SLC5A1: variants seen among roughly 807,000 people sequenced by gnomAD.
SLC5A1 encodes sodium/glucose cotransporter 1.
In SLC5A1, 42 loss-of-function variants were observed where a neutral mutation model predicts 73.5. That is an observed-to-expected ratio of 0.57 (90% CI 0.45 to 0.74). SLC5A1 has a LOEUF of 0.74. SLC5A1 is among the 30% of genes least tolerant of loss of function. The pLI, the probability that SLC5A1 is intolerant of heterozygous loss-of-function variation, is 0.00. For synonymous variants in SLC5A1, 300 were observed against 317.4 expected, an observed-to-expected ratio of 0.95 and a Z score of 0.58; for missense variants, 634 against 855.4, an observed-to-expected ratio of 0.74 and a Z score of 3.23.
At chr22:32,087,766 G>GA (rs1161069772) in intron 10 of SLC5A1, among the ~76,000 whole-genome samples, 2 of 152,114 alleles carry the variant, frequency 1.3e-5, no homozygotes. Flanking sequence ...TTATTACCTA[G>GA]AAAAATTTAG....
chr22:32,054,039 G>GGT (rs2093948416), intron 2 of SLC5A1, among the ~76,000 whole-genome samples: 1 of 152,134 alleles, frequency 6.6e-6, no homozygotes, highest in Non-Finnish European at 1.5e-5. Context: ...TGGGCGTGGT[G>GGT]GCAGGTGCCT....
chr22:32,063,118 G>A (rs1569303244), intron 2 of SLC5A1, among the ~76,000 whole-genome samples: 2 of 152,072 alleles, frequency 1.3e-5, no homozygotes, highest in Admixed American at 1.3e-4. Flanking sequence ...CTATCAGATT[G>A]GGGCCCCACC....
intron 1 of SLC5A1, among the ~76,000 whole-genome samples, chr22:32,047,978 T>C (rs1309923534): frequency 6.6e-6 from 1 of 151,840 alleles, no homozygotes; most frequent in East Asian, 1.9e-4. Flanking sequence ...CTGGACAACA[T>C]GGCAAAACCC....
At chr22:32,109,079 G>C (rs1034141790) in intron 14 of SLC5A1, among the ~76,000 whole-genome samples, 4 of 152,054 alleles carry the variant, frequency 2.6e-5, no homozygotes, top group East Asian at 1.9e-4. Context: ...AGACCGAGGT[G>C]GGGGGGATCA....
At position 32,102,229 on chromosome 22, in the gene SLC5A1, G is replaced by A. The variant is rs748471638; in HGVS notation, c.1657G>A (p.Asp553Asn). Residue 553 changes from aspartate (D) to asparagine (N), a missense_variant, in exon 13 of 15, where the codon GAT becomes AAT. By Grantham distance (23) the Asp-to-Asn change is conservative. This residue lies in a region of SLC5A1 where 161 missense variants were observed against 178.7 expected (regional missense o/e 0.90). Coordinates refer to ENST00000266088, the MANE Select transcript of SLC5A1 (RefSeq NM_000343.4). Reference protein sequence around the residue: ...VISLLTKPIPDVHLYRLCWSL... With the variant: ...VISLLTKPIPNVHLYRLCWSL... ...CTCCCTCCTCACCAAACCCATTCCG[G>A]ATGTGCATGTGAGTATCCATTTAGG... 12 of 1,611,740 alleles carry A rather than the reference G, an allele frequency of 7.4e-6. No individual in the cohort carries two copies. Among genetic ancestry groups the A allele is most frequent in the Non-Finnish European group, 1.0e-5 (12 of 1,177,996 alleles).
chr22:32,105,531 G>A (rs906745923), intron 14 of SLC5A1, among the ~76,000 whole-genome samples: 4 of 152,036 alleles, frequency 2.6e-5, no homozygotes, highest in Admixed American at 2.0e-4. Flanking sequence ...CTGACCTTAG[G>A]TGATCTGCCC....
chr22:32,091,391 G>A (rs2094017355), intron 10 of SLC5A1, among the ~76,000 whole-genome samples: 1 of 151,144 alleles, frequency 6.6e-6, no homozygotes, highest in Non-Finnish European at 1.5e-5. Flanking sequence ...CCTCAAGTAT[G>A]TTGTGTCTCT....
chr22:32,057,578 C>T (rs923963307), intron 2 of SLC5A1, among the ~76,000 whole-genome samples: 2 of 152,164 alleles, frequency 1.3e-5, no homozygotes, highest in Admixed American at 6.5e-5. Context: ...CAGGACAATT[C>T]TTGATGCCTG....
At chr22:32,105,848 G>A (rs2094044755) in intron 14 of SLC5A1, among the ~76,000 whole-genome samples, 2 of 152,072 alleles carry the variant, frequency 1.3e-5, no homozygotes, top group South Asian at 4.1e-4. Flanking sequence ...TTGTCTTACT[G>A]TGACTGGCCT....
intron 5 of SLC5A1, among the ~76,000 whole-genome samples, chr22:32,077,232 TTCCC>T (rs977219761): frequency 4.5e-4 from 68 of 151,646 alleles, no homozygotes; most frequent in African/African-American, 1.5e-3. Context: ...CCTTCCTTCC[TTCCC>T]TCCCTCCCTT....
chr22:32,107,082 T>A (rs909387779), intron 14 of SLC5A1, among the ~76,000 whole-genome samples: 2 of 152,312 alleles, frequency 1.3e-5, no homozygotes, highest in East Asian at 3.9e-4. Flanking sequence ...TACCTTTCAA[T>A]TCTAAAACTT....
Position 32,104,797 on chromosome 22 carries a change from G to A in SLC5A1, c.1677G>A (p.Leu559=). 1.2e-6 allele frequency: 2 copies of A among 1,613,940 alleles called. No individual in the cohort carries two copies. Among genetic ancestry groups the A allele is most frequent in the South Asian group, 1.1e-5 (1 of 91,074 alleles). Residue 559 remains leucine (L), a synonymous_variant, in exon 14 of 15, where the codon CTG becomes CTA. Coordinates refer to ENST00000266088, the MANE Select transcript of SLC5A1 (RefSeq NM_000343.4). ...TGCCTTCTCTGCAGCTCTACCGTCT[G>A]TGTTGGAGCCTGCGCAACAGCAAAG... ...KPIPDVHLYR[L]CWSLRNSKEE... is the part of the protein sequence containing the mutation.
intron 11 of SLC5A1, among the ~76,000 whole-genome samples, chr22:32,095,455 G>A (rs2094024747): frequency 6.6e-6 from 1 of 152,168 alleles, no homozygotes; most frequent in Admixed American, 6.5e-5. Context: ...AAGTCCTCCA[G>A]TATTATTGTG....
rs61029609 is a variant in SLC5A1 at position 32,054,169 on chromosome 22, T to C, written c.207+4155T>C. On this transcript the variant is annotated intron_variant, in intron 2 of 14. Coordinates refer to ENST00000266088, the MANE Select transcript of SLC5A1 (RefSeq NM_000343.4). Reference sequence around the variant, plus strand: ...GCTTGGGCAACAGAGCAAGATTCCATCTAAAAAAAAATAAAATAGTAATTG... The same window carrying C: ...GCTTGGGCAACAGAGCAAGATTCCACCTAAAAAAAAATAAAATAGTAATTG... Among the ~76,000 whole-genome samples, 1,069 of 152,160 alleles carry C rather than the reference T, an allele frequency of 7.0e-3. 13 individuals carry two copies. Among genetic ancestry groups the C allele is most frequent in the African/African-American group, 0.024 (995 of 41,502 alleles).
At position 32,112,438 on chromosome 22, in the gene SLC5A1, T is replaced by C. The variant is rs1172906687; in HGVS notation, c.*2225T>C. 6.6e-6 allele frequency: 1 copy of C among 152,188 alleles called. No individual in the cohort carries two copies. Among genetic ancestry groups the C allele is most frequent in the East Asian group, 1.9e-4 (1 of 5,192 alleles). The allele number at this position is 152,188 out of a possible 1,614,324, so 9.4% of individuals were successfully genotyped here. On this transcript the variant is annotated 3_prime_UTR_variant, in exon 15 of 15. Transcript: ENST00000266088. Reference sequence around the variant, plus strand: ...TGTTGTAAAGATTAGGTGAGGTCAATTGATACTGCTTAAAAGGCCCGGTCC... The same window carrying C: ...TGTTGTAAAGATTAGGTGAGGTCAACTGATACTGCTTAAAAGGCCCGGTCC...
chr22:32,070,615 T>C (rs1220539610), intron 5 of SLC5A1, among the ~76,000 whole-genome samples: 1 of 152,158 alleles, frequency 6.6e-6, no homozygotes, highest in Non-Finnish European at 1.5e-5. Context: ...ATTATAGGCA[T>C]GAGCCACTGC....
Position 32,082,115 on chromosome 22 carries a change from G to C in SLC5A1, c.583+144G>C, listed in dbSNP as rs533095399. 166 of 698,514 alleles carry C rather than the reference G, an allele frequency of 2.4e-4. 1 individual carries two copies. The highest frequency in any genetic ancestry group is 2.2e-3 in the Middle Eastern group (9 of 4,164). 43.3% of individuals were successfully genotyped at this position (698,514 alleles called of 1,614,324 possible). A position where few individuals can be genotyped will look rare whatever the true frequency, so the allele number is the denominator to read the frequency against. On this transcript the variant is annotated intron_variant, in intron 6 of 14. Coordinates refer to ENST00000266088, the MANE Select transcript of SLC5A1 (RefSeq NM_000343.4). ...AGTTTGGGAGTGAGGTATTTGCTTA[G>C]TACCAACTCATAGACCCTCCAAGTT...
At chr22:32,103,319 T>C (rs2094039664) in intron 13 of SLC5A1, among the ~76,000 whole-genome samples, 1 of 152,262 alleles carries the variant, frequency 6.6e-6, no homozygotes, top group South Asian at 2.1e-4. Context: ...TGATGATTAG[T>C]GATGTTGACA....
chr22:32,061,688 T>A (rs1321628800), intron 2 of SLC5A1, among the ~76,000 whole-genome samples: 1 of 152,200 alleles, frequency 6.6e-6, no homozygotes, highest in Non-Finnish European at 1.5e-5. Flanking sequence ...GTGATGGCAA[T>A]TAGAGGGACT....
Sources: allele counts gnomAD v4.1 joint callset (sites outside exome capture counted in the v4.1 genomes callset), GRCh38; gene constraint gnomAD v4.1.1; regional missense constraint gnomAD v4.1.1; transcripts MANE v1.5; gene names NCBI Gene and HGNC (gene_info 2026-07-23, HGNC 2026-07-21).